The following RGS3 variants were observed in gnomAD, a reference collection of about 807,000 sequenced individuals.
RGS3 encodes the protein regulator of G-protein signalling 3.
RGS3 carries 80 observed loss-of-function variants against 132.6 expected under a neutral mutation model. The ratio of observed to expected loss-of-function variants is 0.60; its 90% CI spans 0.50 to 0.73. The LOEUF (loss-of-function observed/expected upper bound fraction) is 0.73, where lower values mean the gene tolerates loss of function less well. RGS3 is among the 30% of genes least tolerant of loss of function. The probability of loss-of-function intolerance (pLI) is 0.00; values close to 1 mark genes in which losing one functional copy is unlikely to be tolerated. For synonymous variants in RGS3, 598 were observed against 620.6 expected (o/e 0.96, Z 0.54); for missense variants, 1,382 against 1,530.8 (o/e 0.90, Z 1.62).
rs544697397 is a variant in RGS3 at position 113,445,781 on chromosome 9, C to T, written c.-13+854C>T. On this transcript the variant is annotated intron_variant, in intron 1 of 25. Transcript: ENST00000374140. ...GCAACCTCCGCCGCCTGGGTTCAAG[C>T]GATTCTTGTGCCTCAGCCTCCTGAG... Among the ~76,000 whole-genome samples the T allele has an allele frequency of 5.3e-4, 80 of 152,264 alleles. 1 individual carries two copies. Among genetic ancestry groups the T allele is most frequent in the Admixed American group, 4.9e-3 (75 of 15,294 alleles).
intron 19 of RGS3, among the ~76,000 whole-genome samples, chr9:113,567,083 C>T (rs1253616342): frequency 1.3e-5 from 2 of 152,258 alleles, no homozygotes; most frequent in African/African-American, 4.8e-5. Flanking sequence ...GTGACCACTC[C>T]TCGTGAGAAG....
At chr9:113,498,066 G>T in exon 10 of RGS3, 3 of 1,613,984 alleles carry the variant, frequency 1.9e-6, no homozygotes, top group Non-Finnish European at 2.5e-6. Flanking sequence ...CACTGAGAAT[G>T]GGAAGAAACT....
Position 113,461,954 on chromosome 9 carries a change from G to A in RGS3, c.235-67G>A, listed in dbSNP as rs1588131231. ...CCATGCTTTCTAGTTCCTACTGGGAGTGAACACACCTTGCATGGAGCATCT... is the reference window on the plus strand; with the variant it reads ...CCATGCTTTCTAGTTCCTACTGGGAATGAACACACCTTGCATGGAGCATCT... On this transcript the variant is annotated intron_variant, in intron 2 of 24. Coordinates refer to ENST00000350696, the Ensembl canonical transcript of RGS3. The A allele has an allele frequency of 2.5e-6, 4 of 1,595,052 alleles. 1 individual carries two copies. The highest frequency in any genetic ancestry group is 2.3e-5 in the South Asian group (2 of 87,550).
chr9:113,501,246 T>C (rs1830876050), intron 10 of RGS3: 1 of 392,650 alleles, frequency 2.5e-6, no homozygotes, highest in African/African-American at 2.0e-5. Context: ...AACATTGGAA[T>C]CACAAAGTGG....
At position 113,565,522 on chromosome 9, in the gene RGS3, C is replaced by T. The variant is rs1017365094; in HGVS notation, c.2038-17928C>T. ...TGGTTCTGCTTTTCCTAGCAGGTAT[C>T]GCTCCCCTGGGGAACTTGGGTAAGT... On this transcript the variant is annotated intron_variant, in intron 19 of 24. Coordinates refer to ENST00000350696, the Ensembl canonical transcript of RGS3. This position sits in a 1 kb window ranked among gnomAD's most constrained non-coding sequence, Gnocchi z 5.7. The T allele has an allele frequency of 5.8e-6, 3 of 516,782 alleles. No individual in the cohort carries two copies. Among genetic ancestry groups the T allele is most frequent in the Non-Finnish European group, 9.4e-6 (3 of 318,278 alleles). The allele number at this position is 516,782 out of a possible 1,614,324, so 32.0% of individuals were successfully genotyped here. A position where few individuals can be genotyped will look rare whatever the true frequency, so the allele number is the denominator to read the frequency against.
At chr9:113,466,026 G>T (rs1462046450) in intron 3 of RGS3, among the ~76,000 whole-genome samples, 1 of 152,170 alleles carries the variant, frequency 6.6e-6, no homozygotes, top group African/African-American at 2.4e-5. Context: ...AATATCAGAA[G>T]CATGTGGGGA....
At chr9:113,495,577 C>A (rs978278208) in intron 7 of RGS3, among the ~76,000 whole-genome samples, 3 of 152,178 alleles carry the variant, frequency 2.0e-5, no homozygotes, top group African/African-American at 7.2e-5. Flanking sequence ...AAGGGACCAA[C>A]TCTGAGTCTC....
At chr9:113,455,414 G>GA (rs1369276753), upstream of RGS3, among the ~76,000 whole-genome samples, 1 of 152,218 alleles carries the variant, frequency 6.6e-6, no homozygotes, top group African/African-American at 2.4e-5. Flanking sequence ...TGAAGAGGCT[G>GA]AAAGGGCTTC....
intron 3 of RGS3, 96 bp from the exon 2 acceptor site, chr9:113,479,395 T>C (rs1830089919): frequency 6.3e-6 from 8 of 1,259,972 alleles, no homozygotes; most frequent in Non-Finnish European, 9.3e-6. Context: ...TGGCTTCACA[T>C]GAACAAAAGA....
At chr9:113,524,601 G>A (rs528844847) in intron 17 of RGS3, among the ~76,000 whole-genome samples, 152 of 152,304 alleles carry the variant, frequency 1.0e-3, no homozygotes, top group African/African-American at 3.6e-3. Flanking sequence ...GCAGTGGCTG[G>A]GAGTCTGGGA....
intron 17 of RGS3, among the ~76,000 whole-genome samples, chr9:113,528,925 C>G (rs1388632131): frequency 6.6e-6 from 1 of 152,208 alleles, no homozygotes; most frequent in Non-Finnish European, 1.5e-5. Context: ...GATGAGGGCT[C>G]CCCCCAGTAC....
At chr9:113,545,618 C>T (rs916574052) in intron 19 of RGS3, among the ~76,000 whole-genome samples, 7 of 152,278 alleles carry the variant, frequency 4.6e-5, no homozygotes, top group East Asian at 3.9e-4. Flanking sequence ...ATCCTGTCTT[C>T]GCCTTCTCTT....
At chr9:113,542,834 C>T (rs1381913472) in intron 19 of RGS3, among the ~76,000 whole-genome samples, 1 of 152,214 alleles carries the variant, frequency 6.6e-6, no homozygotes, top group Non-Finnish European at 1.5e-5. Flanking sequence ...TGATAGGAAG[C>T]TGCCACACAG....
At chr9:113,567,248 C>T (rs112112668) in intron 19 of RGS3, among the ~76,000 whole-genome samples, 3,697 of 151,852 alleles carry the variant, frequency 0.024, 64 homozygotes, top group Admixed American at 0.036. Flanking sequence ...CCCTCCCCCT[C>T]CATGTCTTAT....
At chr9:113,508,578 A>T (rs1831253289) in exon 14 of RGS3, 1 of 1,612,110 alleles carries the variant, frequency 6.2e-7, no homozygotes, top group South Asian at 1.1e-5. Context: ...ACCATCCCCG[A>T]AGGTGAGTCT....
At chr9:113,449,621 A>G (rs975825828) in intron 1 of RGS3, among the ~76,000 whole-genome samples, 1 of 152,210 alleles carries the variant, frequency 6.6e-6, no homozygotes, top group Non-Finnish European at 1.5e-5. Flanking sequence ...TATGTCAACC[A>G]TGTGTATTTT....
At chr9:113,586,360 C>G (rs1835118626) in intron 20 of RGS3, among the ~76,000 whole-genome samples, 1 of 152,240 alleles carries the variant, frequency 6.6e-6, no homozygotes, top group South Asian at 2.1e-4. Context: ...GATAAATTCA[C>G]ACACATTCAT....
At chr9:113,571,738 CT>C (rs1313713577) in intron 19 of RGS3, among the ~76,000 whole-genome samples, 1 of 152,076 alleles carries the variant, frequency 6.6e-6, no homozygotes, top group Non-Finnish European at 1.5e-5. Context: ...ATTTGTTAAT[CT>C]TTTTTCTTTT....
chr9:113,551,498 G>T (rs1036629759), intron 19 of RGS3, among the ~76,000 whole-genome samples: 6 of 152,192 alleles, frequency 3.9e-5, no homozygotes. Flanking sequence ...GAGTGGAATA[G>T]CTGGGCCAAA....
Sources: gnomAD v4.1 joint callset for allele counts (sites outside exome capture counted in the v4.1 genomes callset) on GRCh38, gnomAD v4.1.1 for gene constraint, Gnocchi (gnomAD v3.1) non-coding constraint, MANE v1.5 for transcripts, NCBI Gene and HGNC (gene_info 2026-07-23, HGNC 2026-07-21) for gene names.